The following FBXO15 variants were observed in gnomAD, a reference collection of about 807,000 sequenced individuals.
FBXO15 encodes F-box protein 15, also known as F-box only protein 15.
In FBXO15, 30 loss-of-function variants were observed where a neutral mutation model predicts 49.5. The observed-to-expected ratio is 0.61, with a 90% CI of 0.45 to 0.82. FBXO15 has a LOEUF of 0.82. Ranked by LOEUF, FBXO15 falls within the 40% of genes least tolerant of loss-of-function variation. FBXO15 has a pLI of 0.00. For synonymous variants in FBXO15, 250 were observed against 232.7 expected, an observed-to-expected ratio of 1.07 and a Z score of -0.68; for missense variants, 591 against 631.5, an observed-to-expected ratio of 0.94 and a Z score of 0.69.
chr18:74,114,407 C>T (rs1003033568), intron 8 of FBXO15, among the ~76,000 whole-genome samples: 12 of 152,196 alleles, frequency 7.9e-5, no homozygotes, highest in African/African-American at 2.9e-4. Context: ...TATCCTTTCA[C>T]TGTCATAAAT....
At chr18:74,090,680 T>C (rs1468190461) in intron 8 of FBXO15, among the ~76,000 whole-genome samples, 1 of 152,224 alleles carries the variant, frequency 6.6e-6, no homozygotes, top group African/African-American at 2.4e-5. Flanking sequence ...CAGGAGCAAG[T>C]TGTCTAATTT....
chr18:74,104,103 A>T (rs1013466012), intron 8 of FBXO15, among the ~76,000 whole-genome samples: 12 of 152,168 alleles, frequency 7.9e-5, no homozygotes, highest in Non-Finnish European at 1.5e-5. Context: ...ATGTAAACTG[A>T]GACAACTAAA....
At chr18:74,078,970 T>C (rs1912374469) in intron 9 of FBXO15, among the ~76,000 whole-genome samples, 1 of 152,206 alleles carries the variant, frequency 6.6e-6, no homozygotes, top group Non-Finnish European at 1.5e-5. Context: ...GCCTTTCTCA[T>C]GGGCCACGGC....
At chr18:74,132,345 T>C (rs930170337) in intron 3 of FBXO15, among the ~76,000 whole-genome samples, 3 of 152,228 alleles carry the variant, frequency 2.0e-5, no homozygotes, top group African/African-American at 2.4e-5. Flanking sequence ...TATGGAGCCT[T>C]GAATTCCTCA....
chr18:74,145,492 C>G (rs927887543), intron 1 of FBXO15, among the ~76,000 whole-genome samples: 1 of 151,930 alleles, frequency 6.6e-6, no homozygotes, highest in African/African-American at 2.4e-5. Context: ...CCTGTCAGAG[C>G]TCTCTGTACC....
chr18:74,108,431 T>C (rs1913865601), intron 8 of FBXO15, among the ~76,000 whole-genome samples: 1 of 151,652 alleles, frequency 6.6e-6, no homozygotes. Flanking sequence ...TTGGGCTTAT[T>C]AGTAGGCTAG....
intron 4 of FBXO15, among the ~76,000 whole-genome samples, chr18:74,130,048 G>A (rs536498099): frequency 3.9e-4 from 60 of 152,274 alleles, no homozygotes; most frequent in African/African-American, 1.4e-3. Context: ...GGCATAGTAT[G>A]TGCATATAAC....
chr18:74,133,393 G>C (rs1168295622), intron 3 of FBXO15, among the ~76,000 whole-genome samples: 1 of 152,158 alleles, frequency 6.6e-6, no homozygotes, highest in Non-Finnish European at 1.5e-5. Flanking sequence ...GAAGTGGAGA[G>C]AGAAGACAGT....
intron 1 of FBXO15, among the ~76,000 whole-genome samples, chr18:74,144,329 G>T (rs1979272151): frequency 6.6e-6 from 1 of 151,858 alleles, no homozygotes; most frequent in African/African-American, 2.4e-5. Flanking sequence ...TTTAAATGGG[G>T]ACGATTTAGG....
At chr18:74,107,777 GA>G (rs1264525671) in intron 8 of FBXO15, among the ~76,000 whole-genome samples, 2 of 152,102 alleles carry the variant, frequency 1.3e-5, no homozygotes, top group African/African-American at 2.4e-5. Context: ...TATTCCTCTG[GA>G]AAAGGGAGGG....
chr18:74,106,265 A>G (rs1238766713), intron 8 of FBXO15, among the ~76,000 whole-genome samples: 3 of 152,180 alleles, frequency 2.0e-5, no homozygotes, highest in Non-Finnish European at 4.4e-5. Flanking sequence ...AGAACTTACC[A>G]TATTTACAAA....
Position 74,075,789 on chromosome 18 carries a change from C to T in FBXO15, c.1264-2059G>A, listed in dbSNP as rs975445718. Among the ~76,000 whole-genome samples, 4 of 152,314 alleles carry T rather than the reference C, an allele frequency of 2.6e-5. No individual in the cohort carries two copies. In the South Asian group the frequency reaches 6.2e-4, roughly 24 times the overall value. ...CACAAGCCCTGCAGCTCTCTACCCA[C>T]TCCCATTGCTGAGGTTCCTACAGCT... On this transcript the variant is annotated intron_variant, in intron 9 of 9. Transcript: ENST00000419743. The surrounding 1 kb of genome is among the most constrained non-coding windows in gnomAD (Gnocchi z 4.1).
intron 9 of FBXO15, among the ~76,000 whole-genome samples, chr18:74,081,287 A>C (rs1419502215): frequency 6.6e-6 from 1 of 152,202 alleles, no homozygotes; most frequent in Admixed American, 6.5e-5. Context: ...TCCCTGGGAC[A>C]ATGAAAATCT....
chr18:74,080,605 G>A (rs942140484), intron 9 of FBXO15, among the ~76,000 whole-genome samples: 2 of 152,184 alleles, frequency 1.3e-5, no homozygotes, highest in Non-Finnish European at 2.9e-5. Flanking sequence ...TTTTGAAGCC[G>A]TATCTTCAGC....
At chr18:74,078,985 C>T (rs541305646) in intron 9 of FBXO15, among the ~76,000 whole-genome samples, 1 of 152,310 alleles carries the variant, frequency 6.6e-6, no homozygotes, top group African/African-American at 2.4e-5. Flanking sequence ...CACGGCCACC[C>T]ACAACATGCT....
chr18:74,081,625 C>T (rs559921127), intron 9 of FBXO15, among the ~76,000 whole-genome samples: 3 of 152,176 alleles, frequency 2.0e-5, no homozygotes, highest in East Asian at 3.9e-4. Flanking sequence ...AACAGAGGGG[C>T]TTTGAGAGAG....
chr18:74,146,563 CTATT>C (rs1012184712), intron 1 of FBXO15, among the ~76,000 whole-genome samples: 3 of 152,134 alleles, frequency 2.0e-5, no homozygotes, highest in Non-Finnish European at 2.9e-5. Context: ...TTCAAGTTTC[CTATT>C]TAAATTCCTG....
intron 3 of FBXO15, among the ~76,000 whole-genome samples, chr18:74,131,342 G>A (rs1978378947): frequency 1.3e-5 from 2 of 152,202 alleles, no homozygotes; most frequent in East Asian, 3.9e-4. Context: ...CTGTAACTGA[G>A]GCTCAGATGC....
At chr18:74,077,981 G>A (rs551578410) in intron 9 of FBXO15, among the ~76,000 whole-genome samples, 1 of 152,252 alleles carries the variant, frequency 6.6e-6, no homozygotes, top group African/African-American at 2.4e-5. Context: ...TGGGAGGAAG[G>A]AGGTGGAGCC....
Sources: gnomAD v4.1 joint callset for allele counts (sites outside exome capture counted in the v4.1 genomes callset) on GRCh38, gnomAD v4.1.1 for gene constraint, Gnocchi (gnomAD v3.1) non-coding constraint, MANE v1.5 for transcripts, NCBI Gene and HGNC (gene_info 2026-07-23, HGNC 2026-07-21) for gene names.